The following CFAP61 variants were observed in gnomAD, a reference collection of about 807,000 sequenced individuals.
The protein encoded by CFAP61 is cilia- and flagella-associated protein 61.
Under a neutral mutation model 135.6 loss-of-function variants are expected in CFAP61, and 107 were observed. The ratio of observed to expected loss-of-function variants is 0.79; its 90% CI spans 0.67 to 0.93. The LOEUF (loss-of-function observed/expected upper bound fraction) is 0.93. Ranked by LOEUF, CFAP61 falls within the 40% of genes least tolerant of loss-of-function variation. The probability of loss-of-function intolerance (pLI) is 0.00; values close to 1 mark genes in which losing one functional copy is unlikely to be tolerated. For synonymous variants in CFAP61, 575 were observed against 578.5 expected (o/e 0.99, Z 0.09); for missense variants, 1,507 against 1,556.2 (o/e 0.97, Z 0.53).
intron 8 of CFAP61, among the ~76,000 whole-genome samples, chr20:20,117,353 ATTAATAAG>A (rs2049223444): frequency 7.0e-6 from 1 of 142,064 alleles, no homozygotes. Flanking sequence ...CAAAAAATAA[ATTAATAAG>A]TTAAAAATAA....
chr20:20,155,456 G>A (rs1161564951), intron 9 of CFAP61, among the ~76,000 whole-genome samples: 1 of 152,198 alleles, frequency 6.6e-6, no homozygotes. Context: ...CACAGCAGAA[G>A]AAATAACCAG....
chr20:20,339,670 T>G (rs2058363112), intron 25 of CFAP61, among the ~76,000 whole-genome samples: 1 of 151,982 alleles, frequency 6.6e-6, no homozygotes, highest in Admixed American at 6.6e-5. Flanking sequence ...TTTGTAGAGA[T>G]GGGGGTCTCA....
chr20:20,236,125 T>G (rs1869391210), intron 18 of CFAP61, among the ~76,000 whole-genome samples: 1 of 152,220 alleles, frequency 6.6e-6, no homozygotes, highest in Admixed American at 6.5e-5. Context: ...TAATATTAAG[T>G]AACTGTTTCT....
At chr20:20,134,996 G>C (rs1388738616) in intron 8 of CFAP61, among the ~76,000 whole-genome samples, 1 of 151,288 alleles carries the variant, frequency 6.6e-6, no homozygotes, top group East Asian at 1.9e-4. Context: ...GGTCTTTGTA[G>C]TTGTGATTAA....
chr20:20,131,844 T>A (rs1177452636), intron 8 of CFAP61, among the ~76,000 whole-genome samples: 2 of 152,090 alleles, frequency 1.3e-5, no homozygotes, highest in Non-Finnish European at 2.9e-5. Context: ...ATTATCAATA[T>A]GTTTGAAATT....
intron 1 of CFAP61, chr20:20,052,834 T>C: frequency 9.8e-7 from 1 of 1,020,194 alleles, no homozygotes; most frequent in Non-Finnish European, 1.4e-6. Flanking sequence ...GCCGCCCTTT[T>C]AGGCTGCAAT....
Position 20,318,844 on chromosome 20 carries a change from T to C in CFAP61, c.3422+20458T>C, listed in dbSNP as rs144921300. ...ACAAAAAGCTTTCCTTAAACATCAGTTACTTACTGGATGTATTCACAGACT... is the reference window on the plus strand; with the variant it reads ...ACAAAAAGCTTTCCTTAAACATCAGCTACTTACTGGATGTATTCACAGACT... On this transcript the variant is annotated intron_variant, in intron 25 of 26. Transcript: ENST00000245957. 3.7e-3 allele frequency among the ~76,000 whole-genome samples: 558 copies of C among 152,314 alleles called. 5 individuals are homozygous for C. The highest frequency in any genetic ancestry group is 0.017 in the Middle Eastern group (5 of 294).
chr20:20,198,781 C>A (rs951068158), intron 16 of CFAP61, among the ~76,000 whole-genome samples: 2 of 152,138 alleles, frequency 1.3e-5, no homozygotes, highest in Admixed American at 6.5e-5. Flanking sequence ...TTTTAGAAAA[C>A]CATTTTAGAA....
At chr20:20,336,281 T>C (rs2058187614) in intron 25 of CFAP61, among the ~76,000 whole-genome samples, 1 of 152,198 alleles carries the variant, frequency 6.6e-6, no homozygotes, top group Non-Finnish European at 1.5e-5. Context: ...TGTGATTTCA[T>C]AGGTATCATT....
intron 19 of CFAP61, among the ~76,000 whole-genome samples, chr20:20,248,474 T>A (rs974891519): frequency 3.3e-5 from 5 of 152,216 alleles, no homozygotes; most frequent in Non-Finnish European, 7.3e-5. Flanking sequence ...TTTGAACCAT[T>A]TCTGTCTTCT....
intron 25 of CFAP61, among the ~76,000 whole-genome samples, chr20:20,336,915 A>C (rs1037730740): frequency 2.0e-5 from 3 of 152,108 alleles, no homozygotes; most frequent in Admixed American, 2.0e-4. Flanking sequence ...CCATGTGTGC[A>C]TTTCTGGGGG....
chr20:20,285,280 G>T (rs377572792), intron 22 of CFAP61, among the ~76,000 whole-genome samples: 222 of 143,546 alleles, frequency 1.5e-3, no homozygotes, highest in South Asian at 2.2e-3. Context: ...AGCATGGTTT[G>T]TTTTTTTTGT....
At chr20:20,119,006 A>T (rs1167996972) in intron 8 of CFAP61, among the ~76,000 whole-genome samples, 1 of 152,020 alleles carries the variant, frequency 6.6e-6, no homozygotes, top group South Asian at 2.1e-4. Flanking sequence ...TTAATGTGTT[A>T]TGGAATTTGG....
chr20:20,358,950 T>A (rs1421139820), intron 26 of CFAP61, among the ~76,000 whole-genome samples: 1 of 152,182 alleles, frequency 6.6e-6, no homozygotes, highest in East Asian at 1.9e-4. Context: ...ATCACAGTGT[T>A]TGGAAAGCAG....
At chr20:20,067,123 A>G (rs929695858) in intron 2 of CFAP61, among the ~76,000 whole-genome samples, 1 of 152,060 alleles carries the variant, frequency 6.6e-6, no homozygotes. Context: ...AGTTTTGGCT[A>G]TACTCGGAAA....
intron 18 of CFAP61, among the ~76,000 whole-genome samples, chr20:20,239,834 G>C (rs1005239715): frequency 6.6e-6 from 1 of 152,166 alleles, no homozygotes; most frequent in African/African-American, 2.4e-5. Context: ...CAGTAGCTGT[G>C]TGGAAGATGG....
At chr20:20,245,536 C>G (rs985659266) in intron 18 of CFAP61, among the ~76,000 whole-genome samples, 10 of 152,202 alleles carry the variant, frequency 6.6e-5, no homozygotes, top group Non-Finnish European at 8.8e-5. Context: ...CTCACCAGGT[C>G]CCTCCCACAA....
chr20:20,228,458 G>T, intron 18 of CFAP61, 82 bp downstream of exon 18: 1 of 1,198,746 alleles, frequency 8.3e-7, no homozygotes, highest in Non-Finnish European at 1.2e-6. Context: ...CACCATCAGA[G>T]AACAGACCTG....
Position 20,098,708 on chromosome 20 carries a change from A to G in CFAP61, c.753A>G (p.Gln251=), listed in dbSNP as rs1182228300. 6.2e-7 allele frequency: 1 copy of G among 1,613,632 alleles called. No individual in the cohort carries two copies. Among genetic ancestry groups the G allele is most frequent in the South Asian group, 1.1e-5 (1 of 91,058 alleles). The change falls in exon 8 of 27, where the codon CAA becomes CAG. Residue 251 remains glutamine, a synonymous_variant. Coordinates refer to ENST00000245957, the MANE Select transcript of CFAP61 (RefSeq NM_015585.4). ...FMSVCSRVNM[Q]LLHECFDLGP... ...GTGTGTGCTCAAGAGTGAACATGCA[A>G]CTGCTGCATGAGTGCTTTGACTTGG...
Sources: gnomAD v4.1 joint callset for allele counts (sites outside exome capture counted in the v4.1 genomes callset) on GRCh38, gnomAD v4.1.1 for gene constraint, MANE v1.5 for transcripts, NCBI Gene and HGNC (gene_info 2026-07-23, HGNC 2026-07-21) for gene names.